The following TFB1M variants were observed in gnomAD, a reference collection of about 807,000 sequenced individuals.
TFB1M encodes the protein dimethyladenosine transferase 1, mitochondrial.
TFB1M carries 27 observed loss-of-function variants against 31.1 expected under a neutral mutation model. The ratio of observed to expected loss-of-function variants is 0.87; its 90% CI spans 0.64 to 1.20. TFB1M has a LOEUF of 1.20. Among genes scored for constraint, TFB1M ranks in the 50% most tolerant of loss-of-function variants. The probability of loss-of-function intolerance (pLI) is 0.00; values close to 1 mark genes in which losing one functional copy is unlikely to be tolerated. For missense variants in TFB1M, 394 were observed against 418.7 expected (o/e 0.94, Z 0.51); for synonymous variants, 166 against 151.8 (o/e 1.09, Z -0.69).
intron 2 of TFB1M, among the ~76,000 whole-genome samples, chr6:155,306,794 T>G (rs1008998258): frequency 3.3e-5 from 5 of 152,170 alleles, no homozygotes; most frequent in African/African-American, 1.2e-4. Context: ...TTTTCTTGAT[T>G]GTGATAATGG....
chr6:155,253,758 G>A, downstream of TFB1M: 1 of 495,714 alleles, frequency 2.0e-6, no homozygotes, highest in Non-Finnish European at 3.5e-6. Context: ...TTCAGATGGA[G>A]GAAAATCTGC....
intron 1 of TFB1M, 140 bp downstream of exon 1, chr6:155,314,156 C>CA: frequency 6.9e-7 from 1 of 1,447,068 alleles, no homozygotes; most frequent in South Asian, 1.2e-5. Flanking sequence ...AGTTCTGATA[C>CA]AAAGAGGTCG....
rs1379975765 is a variant in TFB1M at position 155,257,572 on chromosome 6, T to C, written c.*264A>G. The C allele has an allele frequency of 1.9e-5, 7 of 362,240 alleles. No individual in the cohort carries two copies. The highest frequency in any genetic ancestry group is 2.7e-5 in the Non-Finnish European group (6 of 223,592). 22.4% of individuals were successfully genotyped at this position (362,240 alleles called of 1,614,324 possible). On this transcript the variant is annotated 3_prime_UTR_variant, in exon 7 of 7. Transcript: ENST00000367166. ...AGGGGCAAAATGTGCAGATACTTCA[T>C]TTTTGTAAGATAGATTGTAATAGAT... is the stretch of plus-strand genomic sequence containing the variant.
chr6:155,234,047 T>C, the TFB1M span, among the ~76,000 whole-genome samples: 1 of 152,030 alleles, frequency 6.6e-6, no homozygotes, highest in African/African-American at 2.4e-5. Context: ...CCAGATAGCA[T>C]AATTTTTGGA....
chr6:155,249,441 C>T, the TFB1M span, among the ~76,000 whole-genome samples: 1 of 152,196 alleles, frequency 6.6e-6, no homozygotes, highest in East Asian at 1.9e-4. Context: ...GTTTTCCTCT[C>T]TGGAACTCTG....
At chr6:155,239,477 G>A in the TFB1M span, among the ~76,000 whole-genome samples, 1 of 152,204 alleles carries the variant, frequency 6.6e-6, no homozygotes, top group South Asian at 2.1e-4. Flanking sequence ...GAAAGAATGA[G>A]AAGTAAAAGG....
intron 5 of TFB1M, among the ~76,000 whole-genome samples, chr6:155,278,009 C>T (rs1785300431): frequency 6.6e-6 from 1 of 152,104 alleles, no homozygotes; most frequent in African/African-American, 2.4e-5. Context: ...GTATTTTCTT[C>T]CTAAGTAGAA....
At chr6:155,255,716 T>C (rs2115372838), downstream of TFB1M, 1 of 152,388 alleles carries the variant, frequency 6.6e-6, no homozygotes, top group South Asian at 2.1e-4. Context: ...GAGCATTTTC[T>C]AGGCTGGGCA....
At chr6:155,273,559 T>A (rs1180108889) in intron 5 of TFB1M, among the ~76,000 whole-genome samples, 4 of 152,228 alleles carry the variant, frequency 2.6e-5, no homozygotes, top group Non-Finnish European at 5.9e-5. Context: ...GTCCTTTTTT[T>A]CCTTGGTGGG....
intron 5 of TFB1M, among the ~76,000 whole-genome samples, chr6:155,267,051 T>C (rs1452378727): frequency 6.7e-6 from 1 of 148,918 alleles, no homozygotes; most frequent in African/African-American, 2.5e-5. Flanking sequence ...CTCGGCTCAC[T>C]GCAACCTCCA....
rs572221198 is a variant in TFB1M, at chr6:155,286,584, T to A, written c.547-1307A>T. 5.3e-4 allele frequency among the ~76,000 whole-genome samples: 78 copies of A among 147,188 alleles called. 1 individual carries two copies. Among genetic ancestry groups the A allele is most frequent in the African/African-American group, 1.9e-3 (74 of 39,938 alleles). On this transcript the variant is annotated intron_variant, in intron 4 of 6. Transcript: ENST00000367166. ...ATATGTATATATATACATGTGTATA[T>A]GTATATGTGTGTATATATGTGTGTA...
In TFB1M at chr6:155,260,404, C is replaced by T. The variant is rs768606815; in HGVS notation, c.667-4G>A. ...AGTGCACCACGCCCACGTCCACCTT[C>T]GTTGTAAGCAAACATATTATCATTC... On this transcript the variant is annotated splice_polypyrimidine_tract_variant and splice_region_variant and intron_variant, in intron 5 of 6. Transcript: ENST00000367166. The T allele has an allele frequency of 1.4e-5, 23 of 1,614,092 alleles. No individual in the cohort carries two copies. The South Asian group carries it at 1.6e-4, about 12-fold the overall frequency.
At chr6:155,262,013 A>C (rs1011895191) in intron 5 of TFB1M, among the ~76,000 whole-genome samples, 1 of 152,212 alleles carries the variant, frequency 6.6e-6, no homozygotes, top group African/African-American at 2.4e-5. Flanking sequence ...CCTCAAGTTT[A>C]GTAACAACTA....
At chr6:155,262,865 GT>G (rs1313050418) in intron 5 of TFB1M, among the ~76,000 whole-genome samples, 1 of 152,128 alleles carries the variant, frequency 6.6e-6, no homozygotes, top group South Asian at 2.1e-4. Context: ...TTTAAATAAA[GT>G]TTTAAAACCC....
At chr6:155,310,393 A>T (rs1407365719) in intron 2 of TFB1M, among the ~76,000 whole-genome samples, 2 of 152,168 alleles carry the variant, frequency 1.3e-5, no homozygotes, top group Admixed American at 1.3e-4. Flanking sequence ...CCAGCGTTTT[A>T]AAAAAAGTAA....
intron 5 of TFB1M, among the ~76,000 whole-genome samples, chr6:155,269,889 A>G (rs1203297048): frequency 6.6e-6 from 1 of 152,220 alleles, no homozygotes; most frequent in Non-Finnish European, 1.5e-5. Context: ...TTGGGCAAAT[A>G]TTTATTGTAT....
At chr6:155,231,745 G>A in the TFB1M span, among the ~76,000 whole-genome samples, 1 of 152,246 alleles carries the variant, frequency 6.6e-6, no homozygotes, top group Non-Finnish European at 1.5e-5. Context: ...TGTTCCCACT[G>A]TGCAGTCCAG....
chr6:155,230,270 T>C, the TFB1M span, among the ~76,000 whole-genome samples: 2 of 152,202 alleles, frequency 1.3e-5, no homozygotes, highest in African/African-American at 4.8e-5. Flanking sequence ...CCACAGTTCC[T>C]AACTCGCACC....
the TFB1M span, among the ~76,000 whole-genome samples, chr6:155,237,372 GTTGAGTATCTACAGCT>G: frequency 4.1e-4 from 63 of 152,388 alleles, no homozygotes; most frequent in Non-Finnish European, 7.8e-4. Context: ...ACAGGCTGGT[GTTGAGTATCTACAGCT>G]TTGCCAGGCA....
Sources: gnomAD v4.1 joint callset for allele counts (sites outside exome capture counted in the v4.1 genomes callset) on GRCh38, gnomAD v4.1.1 for gene constraint, MANE v1.5 for transcripts, NCBI Gene and HGNC (gene_info 2026-07-23, HGNC 2026-07-21) for gene names.